The following BBS9 variants were observed in gnomAD, a reference collection of about 807,000 sequenced individuals.
BBS9 encodes the protein protein PTHB1.
In BBS9, 89 loss-of-function variants were observed where a neutral mutation model predicts 117.7. That is an observed-to-expected ratio of 0.76 (90% confidence interval 0.64 to 0.90). BBS9 has a LOEUF of 0.90. Among genes scored for constraint, BBS9 ranks in the 40% least tolerant of loss-of-function variants. The pLI, the probability that BBS9 is intolerant of heterozygous loss-of-function variation, is 0.00. For missense variants in BBS9, 982 were observed against 1,042.2 expected (o/e 0.94, Z 0.80); for synonymous variants, 379 against 370.9 (o/e 1.02, Z -0.25).
At chr7:33,545,315 C>CA (rs1483596707) in intron 21 of BBS9, among the ~76,000 whole-genome samples, 2 of 152,168 alleles carry the variant, frequency 1.3e-5, no homozygotes, top group Admixed American at 6.5e-5. Context: ...GCCACCCTCG[C>CA]AATGGATCCC....
intron 19 of BBS9, among the ~76,000 whole-genome samples, chr7:33,416,253 G>C (rs1463823767): frequency 6.6e-6 from 1 of 151,356 alleles, no homozygotes; most frequent in African/African-American, 2.4e-5. Context: ...TTTCCTCATG[G>C]TGAGAACAGG....
At chr7:33,418,110 G>T (rs892555180) in intron 19 of BBS9, among the ~76,000 whole-genome samples, 1 of 152,150 alleles carries the variant, frequency 6.6e-6, no homozygotes, top group Non-Finnish European at 1.5e-5. Flanking sequence ...ACAGCCCTTG[G>T]CATCTTGGGA....
At chr7:33,183,984 A>G (rs1397243898) in intron 5 of BBS9, among the ~76,000 whole-genome samples, 1 of 152,172 alleles carries the variant, frequency 6.6e-6, no homozygotes, top group African/African-American at 2.4e-5. Context: ...TTTATAGCAG[A>G]AAGTTCCCCA....
chr7:33,308,863 C>T (rs1268882875), intron 9 of BBS9, among the ~76,000 whole-genome samples: 1 of 152,174 alleles, frequency 6.6e-6, no homozygotes, highest in Admixed American at 6.5e-5. Flanking sequence ...GAGCCACCAA[C>T]TATACACATA....
intron 7 of BBS9, among the ~76,000 whole-genome samples, chr7:33,268,891 C>G (rs1193451613): frequency 6.6e-6 from 1 of 152,136 alleles, no homozygotes; most frequent in Non-Finnish European, 1.5e-5. Context: ...AAGCCAAATG[C>G]TAGCCTGTTA....
At chr7:33,581,518 T>C (rs1267768835) in intron 21 of BBS9, among the ~76,000 whole-genome samples, 2 of 152,144 alleles carry the variant, frequency 1.3e-5, no homozygotes, top group Non-Finnish European at 2.9e-5. Flanking sequence ...TCATGTAACT[T>C]ACTCAGAGAC....
chr7:33,129,439 A>C, upstream of BBS9: 6 of 251,736 alleles, frequency 2.4e-5, no homozygotes, highest in Non-Finnish European at 2.3e-5. Context: ...TAGCAATCTA[A>C]TTCCAACCGC....
chr7:33,302,843 T>G (rs1284907553), intron 9 of BBS9, among the ~76,000 whole-genome samples: 1 of 152,150 alleles, frequency 6.6e-6, no homozygotes, highest in Non-Finnish European at 1.5e-5. Context: ...GGTAGTGATA[T>G]CATTGAATGT....
chr7:33,495,780 A>G (rs1380301413), intron 19 of BBS9, among the ~76,000 whole-genome samples: 4 of 152,324 alleles, frequency 2.6e-5, no homozygotes, highest in East Asian at 1.9e-4. Context: ...TTAGCCAAGC[A>G]TTGGAGTTCG....
At chr7:33,522,415 C>G (rs1014045330) in intron 20 of BBS9, among the ~76,000 whole-genome samples, 11 of 150,608 alleles carry the variant, frequency 7.3e-5, no homozygotes, top group African/African-American at 2.7e-4. Context: ...CCTGTTGTTT[C>G]CTGACTTTTT....
chr7:33,454,353 T>A (rs894195781), intron 19 of BBS9, among the ~76,000 whole-genome samples: 16 of 152,210 alleles, frequency 1.1e-4, no homozygotes, highest in African/African-American at 3.9e-4. Flanking sequence ...CCTCTGTGTT[T>A]TGGTTTCTCC....
chr7:33,557,238 G>A (rs888843163), intron 21 of BBS9, among the ~76,000 whole-genome samples: 4 of 152,058 alleles, frequency 2.6e-5, no homozygotes, highest in African/African-American at 7.2e-5. Context: ...TAATTGGACC[G>A]CTTATCTGAA....
At chr7:33,134,237 G>A (rs1029348465) in intron 1 of BBS9, among the ~76,000 whole-genome samples, 1 of 61,046 alleles carries the variant, frequency 1.6e-5, no homozygotes, top group South Asian at 4.9e-4. Flanking sequence ...TTTTTTTTTT[G>A]TATTTTTAGT....
In BBS9 at chr7:33,349,082, C is replaced by T. The variant is rs1818133179; in HGVS notation, c.1344C>T (p.Asn448=). The T allele has an allele frequency of 6.2e-7, 1 of 1,608,144 alleles. No homozygotes were observed. Among genetic ancestry groups the T allele is most frequent in the Non-Finnish European group, 8.5e-7 (1 of 1,174,950 alleles). Residue 448 remains asparagine, a synonymous_variant, in exon 13 of 23, where the codon AAC becomes AAT. Transcript: ENST00000242067. ...TGTTTCCTTAGGTCACACTGCAGAA[C>T]AGAGTGATATTGCAAAAAGCCAAAT... ...PSVTVKVTLQ[N]RVILQKAKLS...
intron 19 of BBS9, among the ~76,000 whole-genome samples, chr7:33,487,943 G>A (rs1332710412): frequency 1.3e-5 from 2 of 152,126 alleles, no homozygotes; most frequent in Non-Finnish European, 2.9e-5. Flanking sequence ...ATCAATATCC[G>A]AGGTGTGATA....
chr7:33,357,941 A>C lies in BBS9; in HGVS notation c.1639A>C (p.Lys547Gln). The C allele has an allele frequency of 6.2e-7, 1 of 1,612,710 alleles. No homozygotes were observed. The highest frequency in any genetic ancestry group is 8.5e-7 in the Non-Finnish European group (1 of 1,179,002). The change falls in exon 16 of 23, where the codon AAA (lysine) becomes CAA (glutamine). Residue 547 changes from lysine (K) to glutamine (Q), a missense_variant. Coordinates refer to ENST00000242067, the MANE Select transcript of BBS9 (RefSeq NM_198428.3). ...TCAGCCTTCAAAAACTGCAAGCCAC[A>C]AAATTACTATTGATACCAACAAATC... ...PGQPSKTASHKITIDTNKSPV... is the reference protein window; with the variant it reads ...PGQPSKTASHQITIDTNKSPV...
At chr7:33,523,994 C>T (rs1423920144) in intron 20 of BBS9, among the ~76,000 whole-genome samples, 1 of 106,340 alleles carries the variant, frequency 9.4e-6, no homozygotes, top group Non-Finnish European at 1.9e-5. Context: ...TTTTCTGCAT[C>T]TGTTGAGATA....
chr7:33,199,770 T>C (rs1394764365), intron 5 of BBS9, among the ~76,000 whole-genome samples: 2 of 151,720 alleles, frequency 1.3e-5, no homozygotes, highest in Non-Finnish European at 2.9e-5. Context: ...AGGATGAAGT[T>C]TTTAGGCAAC....
chr7:33,374,002 T>C (rs1823337112), intron 17 of BBS9, among the ~76,000 whole-genome samples: 1 of 152,202 alleles, frequency 6.6e-6, no homozygotes, highest in Non-Finnish European at 1.5e-5. Context: ...TATTCCCTTT[T>C]CATTCAGCAG....
Sources: gnomAD v4.1 joint callset for allele counts (sites outside exome capture counted in the v4.1 genomes callset) on GRCh38, gnomAD v4.1.1 for gene constraint, MANE v1.5 for transcripts, NCBI Gene and HGNC (gene_info 2026-07-23, HGNC 2026-07-21) for gene names.